CDC14A: variants seen among roughly 807,000 people sequenced by gnomAD.
CDC14A encodes cell division cycle 14A, also known as dual specificity protein phosphatase CDC14A.
Under a neutral mutation model 74.4 loss-of-function variants are expected in CDC14A, and 53 were observed. That is an observed-to-expected ratio of 0.71 (90% CI 0.57 to 0.89). The LOEUF (loss-of-function observed/expected upper bound fraction) is 0.89. Among genes scored for constraint, CDC14A ranks in the 40% least tolerant of loss-of-function variants. The pLI is 0.00. For missense variants in CDC14A, 646 were observed against 713.7 expected, an observed-to-expected ratio of 0.91 and a Z score of 1.08; for synonymous variants, 247 against 258.4, an observed-to-expected ratio of 0.96 and a Z score of 0.43.
At chr1:100,396,131 G>T (rs1474053989) in intron 4 of CDC14A, among the ~76,000 whole-genome samples, 1 of 152,228 alleles carries the variant, frequency 6.6e-6, no homozygotes, top group Non-Finnish European at 1.5e-5. Flanking sequence ...TGTGTGGAGG[G>T]TGATAAAATA....
chr1:100,412,725 T>TTATATATATATATATA (rs1453619061), intron 4 of CDC14A, among the ~76,000 whole-genome samples: 1 of 82,958 alleles, frequency 1.2e-5, no homozygotes, highest in African/African-American at 9.0e-5. Flanking sequence ...TATATATATT[T>TTATATATATATATATA]TATATATATA....
chr1:100,455,227 T>C (rs771942222), intron 7 of CDC14A, among the ~76,000 whole-genome samples, 178 bp from the exon 8 acceptor site: 5 of 152,216 alleles, frequency 3.3e-5, no homozygotes, highest in Non-Finnish European at 5.9e-5. Flanking sequence ...CTAAAGCGGA[T>C]TGAATTCCTA....
At chr1:100,390,552 GCTGTA>G (rs1365423739) in intron 3 of CDC14A, among the ~76,000 whole-genome samples, 175 bp from the exon 4 acceptor site, 1 of 152,088 alleles carries the variant, frequency 6.6e-6, no homozygotes, top group East Asian at 1.9e-4. Context: ...TTATGATTGG[GCTGTA>G]CAAAATCTGA....
At chr1:100,356,620 C>T (rs528705244) in intron 2 of CDC14A, among the ~76,000 whole-genome samples, 1 of 152,104 alleles carries the variant, frequency 6.6e-6, no homozygotes, top group Non-Finnish European at 1.5e-5. Context: ...CTTTGGGAGG[C>T]CGAGGCAGGT....
rs191782948 is a variant in CDC14A, at chr1:100,480,435, A to G, written c.978-3857A>G. Among the ~76,000 whole-genome samples the G allele has an allele frequency of 2.1e-4, 32 of 152,290 alleles. No homozygotes were observed. In the East Asian group the frequency reaches 4.8e-3, roughly 23 times the overall value. On this transcript the variant is annotated intron_variant, in intron 10 of 15. Transcript: ENST00000336454. ...TATTTCTACCTTTTGGTTATTGTGAATAATGCAACTGTTCTGAACATTGGT... is the reference window on the plus strand; with the variant it reads ...TATTTCTACCTTTTGGTTATTGTGAGTAATGCAACTGTTCTGAACATTGGT...
At chr1:100,406,194 T>C (rs2101025316) in intron 4 of CDC14A, among the ~76,000 whole-genome samples, 1 of 152,254 alleles carries the variant, frequency 6.6e-6, no homozygotes, top group East Asian at 1.9e-4. Context: ...GAAGTGTCTG[T>C]TCATATCCCC....
rs528555829 is a variant in CDC14A, at chr1:100,489,078, G to T, written c.1137+4627G>T. Among the ~76,000 whole-genome samples the T allele has an allele frequency of 6.2e-4, 94 of 152,290 alleles. 2 individuals are homozygous for T. Among genetic ancestry groups the T allele is most frequent in the Middle Eastern group, 3.4e-3 (1 of 294 alleles). On this transcript the variant is annotated intron_variant, in intron 11 of 15. Transcript: ENST00000336454. ...TGAATGGGGCAGCCAGAAGAGAGAT[G>T]TGGGCAGCTCTGATAAATTCAAACT...
intron 10 of CDC14A, among the ~76,000 whole-genome samples, chr1:100,479,627 A>G (rs1378093420): frequency 2.6e-5 from 4 of 152,342 alleles, no homozygotes; most frequent in South Asian, 2.1e-4. Context: ...CTGAAATACT[A>G]TAAAAATCAG....
At chr1:100,386,230 T>C (rs952873948) in intron 3 of CDC14A, among the ~76,000 whole-genome samples, 3 of 151,948 alleles carry the variant, frequency 2.0e-5, no homozygotes, top group Non-Finnish European at 4.4e-5. Context: ...ATAAGGTGGA[T>C]AGTGGCTGGC....
chr1:100,429,724 T>TTA (rs1223734524), intron 5 of CDC14A, among the ~76,000 whole-genome samples: 1 of 143,542 alleles, frequency 7.0e-6, no homozygotes, highest in African/African-American at 2.5e-5. Context: ...TATATATATA[T>TTA]TATATATATA....
chr1:100,461,953 A>G (rs1667358062), intron 8 of CDC14A, among the ~76,000 whole-genome samples: 1 of 152,154 alleles, frequency 6.6e-6, no homozygotes. Context: ...CTTAAATTTT[A>G]CTTTCTAAAT....
intron 7 of CDC14A, 110 bp downstream of exon 7, chr1:100,443,106 G>A (rs1423153668): frequency 5.4e-6 from 4 of 734,848 alleles, no homozygotes; most frequent in Non-Finnish European, 9.2e-6. Flanking sequence ...AAAGCATTCT[G>A]GAGTTTTCCA....
At chr1:100,365,152 A>G (rs1479779286) in intron 2 of CDC14A, among the ~76,000 whole-genome samples, 1 of 152,158 alleles carries the variant, frequency 6.6e-6, no homozygotes, top group East Asian at 1.9e-4. Context: ...AGTAATAAAG[A>G]TGATAAGTTT....
rs527358871 is a variant in CDC14A, at chr1:100,405,692, C to T, written c.309+14868C>T. Among the ~76,000 whole-genome samples, 3 of 152,336 alleles carry T rather than the reference C, an allele frequency of 2.0e-5. No individual in the cohort carries two copies. The East Asian group carries it at 5.8e-4, about 29-fold the overall frequency. On this transcript the variant is annotated intron_variant, in intron 4 of 15. Coordinates refer to ENST00000336454, the MANE Select transcript of CDC14A (RefSeq NM_003672.4). ...ACAGCTTCTAACTCCATTTATGTCC[C>T]TGCAAAGGACATGATCTTGTTTCTT...
At chr1:100,491,518 A>ATCTCTCTC (rs761858427) in intron 11 of CDC14A, among the ~76,000 whole-genome samples, 1,196 of 26,424 alleles carry the variant, frequency 0.045, 80 homozygotes, top group Non-Finnish European at 0.065. Flanking sequence ...ATATATCTGC[A>ATCTCTCTC]TCTCTCTCTC....
intron 12 of CDC14A, among the ~76,000 whole-genome samples, chr1:100,495,389 T>G (rs959169621): frequency 6.6e-6 from 1 of 152,232 alleles, no homozygotes; most frequent in African/African-American, 2.4e-5. Flanking sequence ...TACCTGTGCC[T>G]GTAAAGTTAT....
intron 4 of CDC14A, among the ~76,000 whole-genome samples, chr1:100,392,729 T>C (rs1482258520): frequency 1.3e-5 from 2 of 152,236 alleles, no homozygotes; most frequent in African/African-American, 4.8e-5. Flanking sequence ...TAAAGATCCT[T>C]GGATACAAAA....
chr1:100,418,111 C>G (rs1327806465), intron 4 of CDC14A, among the ~76,000 whole-genome samples: 1 of 152,150 alleles, frequency 6.6e-6, no homozygotes, highest in Non-Finnish European at 1.5e-5. Flanking sequence ...ATAATGGAAC[C>G]TAACTCGGGG....
At chr1:100,423,227 T>C (rs1343169911) in intron 4 of CDC14A, among the ~76,000 whole-genome samples, 1 of 152,120 alleles carries the variant, frequency 6.6e-6, no homozygotes, top group Admixed American at 6.6e-5. Flanking sequence ...CTGACCTCCT[T>C]TTCCTCCAAC....
Sources: gnomAD v4.1 joint callset for allele counts (sites outside exome capture counted in the v4.1 genomes callset) on GRCh38, gnomAD v4.1.1 for gene constraint, MANE v1.5 for transcripts, NCBI Gene and HGNC (gene_info 2026-07-23, HGNC 2026-07-21) for gene names.